The following ADAMTS12 variants were observed in gnomAD, a reference collection of about 807,000 sequenced individuals.
ADAMTS12 encodes the protein ADAM metallopeptidase with thrombospondin type 1 motif 12, also known as A disintegrin and metalloproteinase with thrombospondin motifs 12.
A neutral mutation model predicts 167.8 loss-of-function variants in ADAMTS12; 118 were observed. The ratio of observed to expected loss-of-function variants is 0.70; its 90% CI spans 0.61 to 0.82. The LOEUF (loss-of-function observed/expected upper bound fraction) is 0.82, where lower values mean the gene tolerates loss of function less well. Among genes scored for constraint, ADAMTS12 ranks in the 40% least tolerant of loss-of-function variants. The pLI is 0.00. For synonymous variants in ADAMTS12, 704 were observed against 716.9 expected (o/e 0.98, Z 0.29); for missense variants, 1,916 against 1,998.8 (o/e 0.96, Z 0.79).
intron 2 of ADAMTS12, among the ~76,000 whole-genome samples, chr5:33,821,732 T>C (rs190229199): frequency 1.3e-5 from 2 of 152,332 alleles, no homozygotes; most frequent in Non-Finnish European, 2.9e-5. Context: ...CTACTCCAAG[T>C]CACATTTTTA....
At chr5:33,591,260 C>T (rs1747624619) in intron 17 of ADAMTS12, among the ~76,000 whole-genome samples, 1 of 151,872 alleles carries the variant, frequency 6.6e-6, no homozygotes, top group South Asian at 2.1e-4. Flanking sequence ...TTAAAAGAAC[C>T]CTTCTTTTAT....
At chr5:33,871,253 TAC>T in intron 2 of ADAMTS12, among the ~76,000 whole-genome samples, 1 of 152,292 alleles carries the variant, frequency 6.6e-6, no homozygotes, top group East Asian at 1.9e-4. Flanking sequence ...ATAGTTTCAA[TAC>T]AAATTCTACC....
At chr5:33,803,000 C>T (rs1900176) in intron 2 of ADAMTS12, among the ~76,000 whole-genome samples, 35,031 of 152,042 alleles carry the variant, frequency 0.23, 4,756 homozygotes, top group South Asian at 0.39. Flanking sequence ...CAGAAGGAGA[C>T]TTACCCATAA....
At chr5:33,832,663 G>A (rs2111558835) in intron 2 of ADAMTS12, among the ~76,000 whole-genome samples, 1 of 152,284 alleles carries the variant, frequency 6.6e-6, no homozygotes, top group East Asian at 1.9e-4. Flanking sequence ...CGGGGTGGTG[G>A]TGTTTTCCCT....
At chr5:33,656,872 C>T (rs983729084) in intron 7 of ADAMTS12, among the ~76,000 whole-genome samples, 9 of 152,180 alleles carry the variant, frequency 5.9e-5, no homozygotes, top group African/African-American at 2.2e-4. Context: ...TGGCCAGCTC[C>T]CCTGCATCCC....
chr5:33,744,982 T>TA (rs994986763), intron 3 of ADAMTS12, among the ~76,000 whole-genome samples: 2 of 152,192 alleles, frequency 1.3e-5, no homozygotes, highest in African/African-American at 4.8e-5. Flanking sequence ...TCTGGCCAAT[T>TA]AAAAAAAATT....
At chr5:33,781,712 ATACTT>A (rs1746134975) in intron 2 of ADAMTS12, among the ~76,000 whole-genome samples, 2 of 151,544 alleles carry the variant, frequency 1.3e-5, no homozygotes, top group African/African-American at 4.9e-5. Context: ...TATTATTATT[ATACTT>A]TAAGTTTTAG....
Position 33,531,670 on chromosome 5 carries a change from ATCT to A in ADAMTS12, c.4606+3160_4606+3162del, listed in dbSNP as rs939066216. On this transcript the variant is annotated intron_variant, in intron 23 of 23. Coordinates refer to ENST00000504830, the MANE Select transcript of ADAMTS12 (RefSeq NM_030955.4). ...TGAATAGGTCTTCTCTGCCCAGAACATCTTCTTTTTCTCAACACAGGAGGCCCA... is the reference window on the plus strand; with the variant it reads ...TGAATAGGTCTTCTCTGCCCAGAACATCTTTTTCTCAACACAGGAGGCCCA... Among the ~76,000 whole-genome samples the A allele has an allele frequency of 6.6e-5, 10 of 152,312 alleles. 1 individual carries two copies. The East Asian group carries it at 1.2e-3, about 18-fold the overall frequency.
At chr5:33,864,908 C>T (rs13357603) in intron 2 of ADAMTS12, among the ~76,000 whole-genome samples, 3,231 of 152,006 alleles carry the variant, frequency 0.021, 112 homozygotes, top group African/African-American at 0.074. Flanking sequence ...TTGATGGGTG[C>T]AGCAAACCAC....
At chr5:33,632,705 C>T (rs983696025) in intron 12 of ADAMTS12, among the ~76,000 whole-genome samples, 3 of 152,194 alleles carry the variant, frequency 2.0e-5, no homozygotes, top group African/African-American at 7.2e-5. Context: ...AGGATGAGAA[C>T]ATCAATCCAG....
At chr5:33,677,224 T>A (rs1741944982) in intron 5 of ADAMTS12, among the ~76,000 whole-genome samples, 1 of 152,156 alleles carries the variant, frequency 6.6e-6, no homozygotes, top group African/African-American at 2.4e-5. Context: ...AGCTAAATGA[T>A]GATGATGATA....
At chr5:33,694,389 T>C (rs1312525682) in intron 3 of ADAMTS12, among the ~76,000 whole-genome samples, 2 of 152,232 alleles carry the variant, frequency 1.3e-5, no homozygotes, top group Non-Finnish European at 2.9e-5. Context: ...TATAAACCTA[T>C]GCAATTTGAG....
chr5:33,717,425 T>C (rs777019039), intron 3 of ADAMTS12, among the ~76,000 whole-genome samples: 50 of 152,314 alleles, frequency 3.3e-4, no homozygotes, highest in Admixed American at 1.3e-3. Flanking sequence ...GTGCTTTGCA[T>C]ATATTAATTC....
chr5:33,870,881 G>A (rs954650446), intron 2 of ADAMTS12, among the ~76,000 whole-genome samples: 7 of 152,120 alleles, frequency 4.6e-5, no homozygotes, highest in African/African-American at 1.2e-4. Context: ...CTTCTGTCAC[G>A]ATTGTAAGTT....
chr5:33,636,499 A>C (rs1222931463), intron 12 of ADAMTS12, among the ~76,000 whole-genome samples: 6 of 152,184 alleles, frequency 3.9e-5, no homozygotes, highest in African/African-American at 1.4e-4. Context: ...GATTGGGGGC[A>C]AGGAGCAATC....
chr5:33,889,971 T>C (rs1299507367), intron 1 of ADAMTS12, among the ~76,000 whole-genome samples: 1 of 152,170 alleles, frequency 6.6e-6, no homozygotes, highest in African/African-American at 2.4e-5. Context: ...AAACCTCTAA[T>C]TATTTTTAAA....
intron 3 of ADAMTS12, among the ~76,000 whole-genome samples, chr5:33,694,399 G>A (rs528333297): frequency 6.6e-6 from 1 of 152,316 alleles, no homozygotes; most frequent in South Asian, 2.1e-4. Context: ...TGCAATTTGA[G>A]TTTTCATTGA....
chr5:33,606,082 G>C (rs1679711434), intron 16 of ADAMTS12, among the ~76,000 whole-genome samples: 1 of 152,086 alleles, frequency 6.6e-6, no homozygotes, highest in Admixed American at 6.6e-5. Context: ...CAAGTAGCTG[G>C]GACTACAGGC....
chr5:33,593,780 T>C (rs906149082), intron 17 of ADAMTS12, among the ~76,000 whole-genome samples: 6 of 152,160 alleles, frequency 3.9e-5, no homozygotes, highest in Non-Finnish European at 8.8e-5. Flanking sequence ...CAAACCACCA[T>C]GGCACATGTA....
Sources: allele counts gnomAD v4.1 joint callset (sites outside exome capture counted in the v4.1 genomes callset), GRCh38; gene constraint gnomAD v4.1.1; transcripts MANE v1.5; gene names NCBI Gene and HGNC (gene_info 2026-07-23, HGNC 2026-07-21).